The following MAD1L1 variants were observed in gnomAD, a reference collection of about 807,000 sequenced individuals.
MAD1L1 encodes the protein mitotic spindle assembly checkpoint protein MAD1.
MAD1L1 carries 95 observed loss-of-function variants against 96.9 expected under a neutral mutation model. That is an observed-to-expected ratio of 0.98 (90% CI 0.83 to 1.16). The LOEUF is 1.16. MAD1L1 is among the 50% of genes most tolerant of loss of function. The pLI is 0.00. For synonymous variants in MAD1L1, 473 were observed against 396.6 expected (o/e 1.19, Z -2.29); for missense variants, 1,007 against 954.4 (o/e 1.06, Z -0.73).
intron 9 of MAD1L1, among the ~76,000 whole-genome samples, chr7:2,214,059 C>T (rs903368488): frequency 2.6e-5 from 4 of 152,250 alleles, no homozygotes; most frequent in South Asian, 2.1e-4. Flanking sequence ...TGACAGCCAA[C>T]GCTACAGAAC....
chr7:2,180,690 C>T (rs977937397), intron 10 of MAD1L1, among the ~76,000 whole-genome samples: 3 of 152,018 alleles, frequency 2.0e-5, no homozygotes, highest in Non-Finnish European at 2.9e-5. Context: ...TCACTGCTAA[C>T]GTATAATATT....
At chr7:1,917,560 A>G (rs1788489620) in intron 17 of MAD1L1, among the ~76,000 whole-genome samples, 3 of 152,248 alleles carry the variant, frequency 2.0e-5, no homozygotes, top group Non-Finnish European at 2.9e-5. Context: ...AATCAGGTTT[A>G]AATGCAACTG....
chr7:1,864,308 C>T (rs1295857906), intron 18 of MAD1L1, among the ~76,000 whole-genome samples: 1 of 152,154 alleles, frequency 6.6e-6, no homozygotes, highest in African/African-American at 2.4e-5. Flanking sequence ...CAGCTCAGCA[C>T]TGGCTCCCTG....
chr7:2,063,183 C>T (rs1784737578), intron 12 of MAD1L1, among the ~76,000 whole-genome samples: 2 of 152,210 alleles, frequency 1.3e-5, no homozygotes, highest in South Asian at 2.1e-4. Flanking sequence ...GATCTTTGCA[C>T]ACGCAATGTG....
chr7:1,851,096 G>C (rs1448426116), intron 18 of MAD1L1, among the ~76,000 whole-genome samples: 1 of 152,258 alleles, frequency 6.6e-6, no homozygotes, highest in East Asian at 1.9e-4. Context: ...CAGGCCACAA[G>C]CGTCTGTGCC....
At chr7:1,835,825 A>G (rs1181598209) in intron 18 of MAD1L1, among the ~76,000 whole-genome samples, 3 of 152,206 alleles carry the variant, frequency 2.0e-5, no homozygotes, top group Admixed American at 2.0e-4. Context: ...GAAGGGGTGG[A>G]TTATTCATGA....
chr7:1,820,998 A>G (rs531951001), intron 18 of MAD1L1, among the ~76,000 whole-genome samples: 21 of 145,370 alleles, frequency 1.4e-4, no homozygotes, highest in Middle Eastern at 3.5e-3. Context: ...GGAGAATGGC[A>G]TGAACCCAGG....
intron 18 of MAD1L1, among the ~76,000 whole-genome samples, chr7:1,887,421 G>GTA (rs1554283767): frequency 2.0e-5 from 3 of 151,238 alleles, no homozygotes; most frequent in Non-Finnish European, 4.4e-5. Flanking sequence ...ATGTGTGTGT[G>GTA]TGCATGCGTG....
At chr7:1,884,281 C>G (rs1785874518) in intron 18 of MAD1L1, among the ~76,000 whole-genome samples, 1 of 152,236 alleles carries the variant, frequency 6.6e-6, no homozygotes, top group Admixed American at 6.5e-5. Context: ...GAGCATGCCC[C>G]TGGCCACCCA....
At chr7:2,204,409 G>A (rs527799884) in intron 10 of MAD1L1, among the ~76,000 whole-genome samples, 1 of 152,268 alleles carries the variant, frequency 6.6e-6, no homozygotes, top group South Asian at 2.1e-4. Context: ...ACACCTGTGC[G>A]GCGATCACAT....
intron 17 of MAD1L1, among the ~76,000 whole-genome samples, chr7:1,933,538 C>T (rs1171973164): frequency 6.6e-6 from 1 of 152,214 alleles, no homozygotes; most frequent in African/African-American, 2.4e-5. Flanking sequence ...TCCACAAACG[C>T]GCTGAGCATC....
intron 12 of MAD1L1, among the ~76,000 whole-genome samples, chr7:2,051,560 A>G: frequency 6.6e-6 from 1 of 152,162 alleles, no homozygotes; most frequent in Non-Finnish European, 1.5e-5. Context: ...AGAAAAGCCC[A>G]GGAACGAGAC....
chr7:2,132,808 T>A (rs1350520022), intron 11 of MAD1L1, among the ~76,000 whole-genome samples: 1 of 152,242 alleles, frequency 6.6e-6, no homozygotes, highest in Non-Finnish European at 1.5e-5. Flanking sequence ...ACACTGTTAC[T>A]GTGTGGTTCC....
chr7:2,171,544 G>A lies in MAD1L1; in HGVS notation c.987-22306C>T, dbSNP rs186675013. ...TATGGGTCACCTCCACCGTGCAAAG[G>A]ACAGCAGAGAAGGACAGCAGAGAAG... On this transcript the variant is annotated intron_variant, in intron 10 of 18. Coordinates refer to ENST00000265854, the MANE Select transcript of MAD1L1 (RefSeq NM_001013836.2). 6.3e-3 allele frequency among the ~76,000 whole-genome samples: 859 copies of A among 136,578 alleles called. 2 individuals are homozygous for A. The highest frequency in any genetic ancestry group is 9.1e-3 in the Non-Finnish European group (604 of 66,646). The allele number at this position is 136,578 out of a possible 152,430, so 89.6% of individuals were successfully genotyped here. A position where few individuals can be genotyped will look rare whatever the true frequency, so the allele number is the denominator to read the frequency against.
At chr7:1,966,059 C>A (rs1213217078) in intron 15 of MAD1L1, among the ~76,000 whole-genome samples, 2 of 152,214 alleles carry the variant, frequency 1.3e-5, no homozygotes, top group African/African-American at 2.4e-5. Flanking sequence ...GCCTGGGTCC[C>A]ATCCACACTG....
intron 14 of MAD1L1, among the ~76,000 whole-genome samples, chr7:1,982,990 G>A (rs1780975351): frequency 6.6e-6 from 1 of 152,304 alleles, no homozygotes; most frequent in South Asian, 2.1e-4. Context: ...CTGACAGGCT[G>A]GTCCTGGAAT....
chr7:1,942,513 G>A (rs565601204), intron 16 of MAD1L1, among the ~76,000 whole-genome samples: 7 of 152,326 alleles, frequency 4.6e-5, no homozygotes, highest in African/African-American at 1.7e-4. Context: ...CCGTCTCCAG[G>A]GCAGCCGAGT....
intron 18 of MAD1L1, among the ~76,000 whole-genome samples, chr7:1,822,442 A>ATATATATTT (rs768089526): frequency 6.8e-4 from 95 of 140,586 alleles, no homozygotes; most frequent in East Asian, 2.3e-3. Flanking sequence ...ATATATATAT[A>ATATATATTT]TTTTTTTTTT....
chr7:1,979,850 G>A (rs556440355), intron 15 of MAD1L1, among the ~76,000 whole-genome samples: 12 of 152,212 alleles, frequency 7.9e-5, no homozygotes, highest in African/African-American at 1.9e-4. Flanking sequence ...CTGCAGACCC[G>A]GCTCCAGCGC....
Sources: allele counts gnomAD v4.1 joint callset (sites outside exome capture counted in the v4.1 genomes callset), GRCh38; gene constraint gnomAD v4.1.1; transcripts MANE v1.5; gene names NCBI Gene and HGNC (gene_info 2026-07-23, HGNC 2026-07-21).